Variants in TUSC3 observed in about 807,000 individuals in gnomAD.
TUSC3 encodes the protein tumor suppressor candidate 3.
In TUSC3, 45 loss-of-function variants were observed where a neutral mutation model predicts 44.8. The ratio of observed to expected loss-of-function variants is 1.00; its 90% CI spans 0.79 to 1.29. The LOEUF (loss-of-function observed/expected upper bound fraction) is 1.29, where lower values mean the gene tolerates loss of function less well. TUSC3 is among the 50% of genes most tolerant of loss of function. The pLI, the probability that TUSC3 is intolerant of heterozygous loss-of-function variation, is 0.00. For synonymous variants in TUSC3, 212 were observed against 152.9 expected (o/e 1.39, Z -2.85); for missense variants, 519 against 437.9 (o/e 1.19, Z -1.65).
chr8:15,472,110 G>C (rs968765412), intron 1 of TUSC3, among the ~76,000 whole-genome samples: 2 of 152,096 alleles, frequency 1.3e-5, no homozygotes, highest in Admixed American at 6.5e-5. Flanking sequence ...AACTTTTTAG[G>C]TATATTTTGT....
At position 15,564,876 on chromosome 8, in the gene TUSC3, C is replaced by A. The variant is rs564101512; in HGVS notation, c.138+24308C>A. On this transcript the variant is annotated intron_variant, in intron 1 of 10. Transcript: ENST00000503731. ...CCCGTGTGGTTCTGTGTTAGTGTGT[C>A]CCTGAGATTTGGAAGATAGAAGAGA... Among the ~76,000 whole-genome samples the A allele has an allele frequency of 6.6e-5, 10 of 152,098 alleles. No individual in the cohort carries two copies. The South Asian group carries it at 2.1e-3, about 32-fold the overall frequency.
intron 7 of TUSC3, among the ~76,000 whole-genome samples, chr8:15,737,837 A>G (rs956203380): frequency 6.6e-6 from 1 of 152,174 alleles, no homozygotes; most frequent in Non-Finnish European, 1.5e-5. Flanking sequence ...AGAGATGATC[A>G]TCTAGCTTCT....
At chr8:15,634,393 G>A (rs1337560031) in intron 2 of TUSC3, among the ~76,000 whole-genome samples, 2 of 152,158 alleles carry the variant, frequency 1.3e-5, no homozygotes, top group African/African-American at 4.8e-5. Flanking sequence ...TATTGACTAT[G>A]CCACTAGCAG....
At chr8:15,649,225 G>C (rs549552248) in intron 2 of TUSC3, among the ~76,000 whole-genome samples, 15 of 151,682 alleles carry the variant, frequency 9.9e-5, no homozygotes, top group South Asian at 4.2e-4. Context: ...TTTTCGTTGC[G>C]GTGGGGATGA....
At chr8:15,814,524 G>A in the TUSC3 span, among the ~76,000 whole-genome samples, 1 of 152,114 alleles carries the variant, frequency 6.6e-6, no homozygotes, top group Non-Finnish European at 1.5e-5. Context: ...CATTTTCTAG[G>A]AATTTTGTGC....
the TUSC3 span, among the ~76,000 whole-genome samples, chr8:15,773,406 C>T: frequency 1.3e-5 from 2 of 151,720 alleles, no homozygotes; most frequent in African/African-American, 4.8e-5. Context: ...CAGATTTAAC[C>T]AAGGAACTAA....
At chr8:15,664,806 A>C (rs115431982) in intron 5 of TUSC3, among the ~76,000 whole-genome samples, 12,636 of 149,532 alleles carry the variant, frequency 0.085, 742 homozygotes, top group East Asian at 0.18. Flanking sequence ...TATAATTTAC[A>C]TTATATGTTT....
intron 9 of TUSC3, among the ~76,000 whole-genome samples, chr8:15,751,582 C>T (rs1042596480): frequency 2.0e-5 from 3 of 152,126 alleles, no homozygotes; most frequent in African/African-American, 7.2e-5. Flanking sequence ...ACTTTGAAGC[C>T]AGTCTACCCT....
the TUSC3 span, among the ~76,000 whole-genome samples, chr8:15,821,916 T>C: frequency 5.3e-5 from 8 of 152,192 alleles, no homozygotes; most frequent in African/African-American, 7.2e-5. Flanking sequence ...CTGTTGAAAT[T>C]AGACTATAGA....
At chr8:15,848,415 T>C in the TUSC3 span, among the ~76,000 whole-genome samples, 1 of 152,202 alleles carries the variant, frequency 6.6e-6, no homozygotes, top group African/African-American at 2.4e-5. Context: ...TTCCATGCTT[T>C]AGACCAGGGT....
At chr8:15,424,757 G>C (rs1008151364) in intron 1 of TUSC3, among the ~76,000 whole-genome samples, 10 of 152,196 alleles carry the variant, frequency 6.6e-5, no homozygotes, top group South Asian at 2.1e-4. Flanking sequence ...GCACATGCCT[G>C]TGGGCCCGGC....
intron 3 of TUSC3, among the ~76,000 whole-genome samples, chr8:15,657,543 T>A (rs1431687509): frequency 6.6e-6 from 1 of 152,218 alleles, no homozygotes; most frequent in Non-Finnish European, 1.5e-5. Flanking sequence ...TTACTGTCCA[T>A]ATTTCTTACC....
the TUSC3 span, chr8:15,806,050 T>C: frequency 1.2e-5 from 3 of 253,234 alleles, no homozygotes; most frequent in African/African-American, 6.8e-5. Context: ...TCATATCCCC[T>C]TCCTTAAAGT....
chr8:15,534,170 C>G (rs1031398017), intron 2 of TUSC3, among the ~76,000 whole-genome samples: 5 of 151,964 alleles, frequency 3.3e-5, no homozygotes, highest in Admixed American at 1.3e-4. Context: ...CATTCACAGC[C>G]TTATTACTAT....
At chr8:15,755,320 TGGTACA>T (rs1032359922) in intron 9 of TUSC3, among the ~76,000 whole-genome samples, 1 of 152,180 alleles carries the variant, frequency 6.6e-6, no homozygotes, top group Non-Finnish European at 1.5e-5. Context: ...GCACATTGCC[TGGTACA>T]TAGTACTGAT....
At chr8:15,773,020 A>G in the TUSC3 span, among the ~76,000 whole-genome samples, 1 of 29,270 alleles carries the variant, frequency 3.4e-5, no homozygotes, top group Admixed American at 3.8e-4. Flanking sequence ...AAAAACCAGC[A>G]GCTAACATAA....
chr8:15,763,930 C>G (rs961728707), intron 10 of TUSC3, among the ~76,000 whole-genome samples: 2 of 151,990 alleles, frequency 1.3e-5, no homozygotes, highest in African/African-American at 4.8e-5. Context: ...GCTGTTCTAG[C>G]CAGCAATGAA....
chr8:15,644,759 G>T (rs1345797525), intron 2 of TUSC3, among the ~76,000 whole-genome samples: 1 of 151,778 alleles, frequency 6.6e-6, no homozygotes, highest in African/African-American at 2.4e-5. Context: ...TATTCCTCGG[G>T]CTCATTTATT....
intron 10 of TUSC3, among the ~76,000 whole-genome samples, chr8:15,760,220 G>C (rs942036925): frequency 9.2e-5 from 14 of 152,114 alleles, no homozygotes; most frequent in South Asian, 2.1e-4. Context: ...TAAGCAAAAT[G>C]AAGAAAATAT....
Sources: gnomAD v4.1 joint callset for allele counts (sites outside exome capture counted in the v4.1 genomes callset) on GRCh38, gnomAD v4.1.1 for gene constraint, MANE v1.5 for transcripts, NCBI Gene and HGNC (gene_info 2026-07-23, HGNC 2026-07-21) for gene names.